The following RANBP2 variants were observed in gnomAD, a reference collection of about 807,000 sequenced individuals.
RANBP2 encodes E3 SUMO-protein ligase RanBP2.
In RANBP2, 57 loss-of-function variants were observed where a neutral mutation model predicts 303.6. The observed-to-expected ratio is 0.19, with a 90% CI of 0.15 to 0.23. The LOEUF is 0.23. Among genes scored for constraint, RANBP2 ranks in the 10% least tolerant of loss-of-function variants. The pLI is 1.00. For missense variants in RANBP2, 3,138 were observed against 3,780.8 expected, an observed-to-expected ratio of 0.83 and a Z score of 4.46; for synonymous variants, 1,167 against 1,301.5, an observed-to-expected ratio of 0.90 and a Z score of 2.23.
the RANBP2 span, among the ~76,000 whole-genome samples, chr2:109,511,420 C>T: frequency 1.3e-5 from 2 of 152,202 alleles, no homozygotes; most frequent in African/African-American, 2.4e-5. Context: ...ACAAAAAGTT[C>T]TCCCGCAATC....
At chr2:109,637,365 A>G in the RANBP2 span, among the ~76,000 whole-genome samples, 1 of 152,038 alleles carries the variant, frequency 6.6e-6, no homozygotes, top group African/African-American at 2.4e-5. Context: ...CCTCTATCTC[A>G]ACTGCAAGAG....
the RANBP2 span, among the ~76,000 whole-genome samples, chr2:109,132,722 C>G: frequency 6.6e-6 from 1 of 152,184 alleles, no homozygotes; most frequent in Non-Finnish European, 1.5e-5. Context: ...CTAACCCTTG[C>G]AGTTGCTAAT....
chr2:109,163,651 G>A, the RANBP2 span, among the ~76,000 whole-genome samples: 2 of 151,866 alleles, frequency 1.3e-5, no homozygotes, highest in African/African-American at 2.4e-5. Flanking sequence ...CGCCCGCCTC[G>A]GCCTCCCAAA....
At chr2:109,562,522 T>C in the RANBP2 span, among the ~76,000 whole-genome samples, 68 of 150,220 alleles carry the variant, frequency 4.5e-4, no homozygotes, top group African/African-American at 1.6e-3. Context: ...AACTATTTGC[T>C]GAATGACTAA....
At chr2:109,683,379 T>C in the RANBP2 span, among the ~76,000 whole-genome samples, 9 of 151,456 alleles carry the variant, frequency 5.9e-5, no homozygotes, top group Non-Finnish European at 1.3e-4. Flanking sequence ...GTGTGCACGG[T>C]GGTGATACAT....
chr2:108,929,399 A>G, the RANBP2 span: 2 of 1,613,620 alleles, frequency 1.2e-6, no homozygotes, highest in Non-Finnish European at 1.7e-6. Context: ...GAAAGAGGAC[A>G]GGGGACACAG....
chr2:109,140,481 C>T, the RANBP2 span, among the ~76,000 whole-genome samples: 1 of 152,096 alleles, frequency 6.6e-6, no homozygotes, highest in African/African-American at 2.4e-5. Context: ...CCCAGGTTCA[C>T]ACCATTCTCC....
chr2:109,548,414 G>A, the RANBP2 span, among the ~76,000 whole-genome samples: 1 of 152,186 alleles, frequency 6.6e-6, no homozygotes, highest in Non-Finnish European at 1.5e-5. Flanking sequence ...AGCTGGGCGT[G>A]ATGGCTCATT....
At chr2:108,893,820 G>A in the RANBP2 span, among the ~76,000 whole-genome samples, 2 of 152,068 alleles carry the variant, frequency 1.3e-5, no homozygotes, top group African/African-American at 2.4e-5. Flanking sequence ...TGTAGCCAAG[G>A]ATAATTGTCT....
At chr2:109,402,488 G>A in the RANBP2 span, among the ~76,000 whole-genome samples, 1 of 152,220 alleles carries the variant, frequency 6.6e-6, no homozygotes, top group African/African-American at 2.4e-5. Flanking sequence ...CACTGCCATC[G>A]TGGGAAACGT....
At chr2:109,015,118 CAAAAAAAAAAAAAAAAAAAAAAAA>C in the RANBP2 span, among the ~76,000 whole-genome samples, 1 of 68,806 alleles carries the variant, frequency 1.5e-5, no homozygotes, top group Non-Finnish European at 2.5e-5. Context: ...GACTCCATCT[CAAAAAAAAAAAAAAAAAAAAAAAA>C]AAAAAAAAAA....
At chr2:109,288,439 G>A in the RANBP2 span, among the ~76,000 whole-genome samples, 3 of 152,292 alleles carry the variant, frequency 2.0e-5, no homozygotes, top group East Asian at 1.9e-4. Flanking sequence ...TTTAAAACCC[G>A]ATAAAGCCAG....
the RANBP2 span, among the ~76,000 whole-genome samples, chr2:109,522,264 G>A: frequency 6.6e-6 from 1 of 150,978 alleles, no homozygotes; most frequent in Admixed American, 6.6e-5. Flanking sequence ...CCACCCCAAA[G>A]GTTCTCTTTT....
Position 108,767,330 on chromosome 2 carries a change from C to G in RANBP2, c.6791C>G (p.Thr2264Arg). The G allele has an allele frequency of 6.2e-7, 1 of 1,612,048 alleles. No individual in the cohort carries two copies. The highest frequency in any genetic ancestry group is 8.5e-7 in the Non-Finnish European group (1 of 1,179,866). The change falls in exon 20 of 29, where the codon ACA (threonine) becomes AGA (arginine). Residue 2264 changes from threonine to arginine, a missense_variant. Coordinates refer to ENST00000283195, the MANE Select transcript of RANBP2 (RefSeq NM_006267.5). Reference protein sequence around the residue: ...RKNLFRFGESTTGFNFSFKSA... With the variant: ...RKNLFRFGESRTGFNFSFKSA... ...AATCTTTTCCGTTTTGGTGAGTCAA[C>G]AACAGGATTTAACTTCAGTTTTAAA... is the stretch of plus-strand genomic sequence containing the variant.
chr2:109,451,035 A>G, the RANBP2 span, among the ~76,000 whole-genome samples: 1 of 152,358 alleles, frequency 6.6e-6, no homozygotes, highest in South Asian at 2.1e-4. Flanking sequence ...CCTGTCCTCA[A>G]CATGAGCCGG....
At chr2:108,867,758 A>G in the RANBP2 span, among the ~76,000 whole-genome samples, 11 of 151,958 alleles carry the variant, frequency 7.2e-5, no homozygotes, top group Non-Finnish European at 1.5e-4. Context: ...AGTTTGAGGG[A>G]TGGGCAACTG....
chr2:109,376,410 G>A, the RANBP2 span, among the ~76,000 whole-genome samples: 4 of 152,206 alleles, frequency 2.6e-5, no homozygotes, highest in Non-Finnish European at 5.9e-5. Context: ...GGCTGCCTCT[G>A]GCTGCTCACA....
the RANBP2 span, among the ~76,000 whole-genome samples, chr2:109,166,749 C>G: frequency 6.6e-6 from 1 of 152,188 alleles, no homozygotes; most frequent in Admixed American, 6.5e-5. Context: ...TTGGTGATTG[C>G]CATAGGTTCT....
the RANBP2 span, among the ~76,000 whole-genome samples, chr2:108,921,255 C>G: frequency 1.3e-5 from 2 of 152,144 alleles, no homozygotes; most frequent in African/African-American, 4.8e-5. Flanking sequence ...GAGACCCTGA[C>G]ACTGACCTGG....
Sources: allele counts gnomAD v4.1 joint callset (sites outside exome capture counted in the v4.1 genomes callset), GRCh38; gene constraint gnomAD v4.1.1; transcripts MANE v1.5; gene names NCBI Gene and HGNC (gene_info 2026-07-23, HGNC 2026-07-21).